Variants in ARHGAP15 observed in about 807,000 individuals in gnomAD.
ARHGAP15 encodes rho GTPase-activating protein 15.
A neutral mutation model predicts 63.7 loss-of-function variants in ARHGAP15; 51 were observed. That is an observed-to-expected ratio of 0.80 (90% CI 0.64 to 1.01). ARHGAP15 has a LOEUF of 1.01. Ranked by LOEUF, ARHGAP15 falls within the 50% of genes least tolerant of loss-of-function variation. The probability of loss-of-function intolerance (pLI) is 0.00; values close to 1 mark genes in which losing one functional copy is unlikely to be tolerated. For missense variants in ARHGAP15, 560 were observed against 564.6 expected (o/e 0.99, Z 0.08); for synonymous variants, 191 against 193.8 (o/e 0.99, Z 0.12).
chr2:143,656,824 C>A (rs1034048335), intron 12 of ARHGAP15, among the ~76,000 whole-genome samples: 1 of 152,140 alleles, frequency 6.6e-6, no homozygotes, highest in Non-Finnish European at 1.5e-5. Context: ...TACTCCTCCT[C>A]TTCAGGACAT....
chr2:143,265,621 CTA>C (rs1680949257), intron 6 of ARHGAP15, among the ~76,000 whole-genome samples: 1 of 152,058 alleles, frequency 6.6e-6, no homozygotes, highest in Non-Finnish European at 1.5e-5. Flanking sequence ...AATTTAAAAA[CTA>C]CACATAGAAA....
chr2:143,646,268 T>C (rs1490762695), intron 12 of ARHGAP15, among the ~76,000 whole-genome samples: 1 of 152,090 alleles, frequency 6.6e-6, no homozygotes, highest in African/African-American at 2.4e-5. Flanking sequence ...GATGGAGTTG[T>C]TTCATATGAA....
rs1425385394 is a variant in ARHGAP15 at position 143,333,031 on chromosome 2, CAGA to C, written c.474+82435_474+82437del. 6.0e-5 allele frequency among the ~76,000 whole-genome samples: 9 copies of C among 149,978 alleles called. No individual in the cohort carries two copies. In the East Asian group the frequency reaches 1.4e-3, roughly 23 times the overall value. ...GGCTGCAGATGCAAGTTGGCATCGTCAGAAGATGAATGCTTGTAGCCTTCACTG... is the reference window on the plus strand; with the variant it reads ...GGCTGCAGATGCAAGTTGGCATCGTCAGATGAATGCTTGTAGCCTTCACTG... On this transcript the variant is annotated intron_variant, in intron 6 of 13. Transcript: ENST00000295095.
Position 143,518,286 on chromosome 2 carries a change from A to C in ARHGAP15, c.827-980A>C, listed in dbSNP as rs181998614. On this transcript the variant is annotated intron_variant, in intron 9 of 13. Transcript: ENST00000295095. Reference sequence around the variant, plus strand: ...AGACATAGATGATTCAGACACTCAGAATCTGCTTTGAGAGAATCTATTCCA... The same window carrying C: ...AGACATAGATGATTCAGACACTCAGCATCTGCTTTGAGAGAATCTATTCCA... 5.9e-5 allele frequency among the ~76,000 whole-genome samples: 9 copies of C among 152,382 alleles called. No individual in the cohort carries two copies. The East Asian group carries it at 1.3e-3, about 23-fold the overall frequency.
chr2:143,291,374 AAC>A (rs1344919858), intron 6 of ARHGAP15, among the ~76,000 whole-genome samples: 4 of 151,968 alleles, frequency 2.6e-5, no homozygotes, highest in African/African-American at 9.7e-5. Context: ...TGTACATGCA[AAC>A]ACAGTTTCTC....
chr2:143,290,577 T>C (rs1323168646), intron 6 of ARHGAP15, among the ~76,000 whole-genome samples: 1 of 152,176 alleles, frequency 6.6e-6, no homozygotes, highest in Non-Finnish European at 1.5e-5. Flanking sequence ...AAAACTTTTT[T>C]TTAACATTAC....
chr2:143,276,804 A>G (rs944950206), intron 6 of ARHGAP15, among the ~76,000 whole-genome samples: 4 of 152,156 alleles, frequency 2.6e-5, no homozygotes, highest in African/African-American at 9.7e-5. Flanking sequence ...GTCTCTTAAA[A>G]AACAAAACAA....
chr2:143,420,378 G>C (rs964951266), intron 6 of ARHGAP15, among the ~76,000 whole-genome samples: 1 of 152,160 alleles, frequency 6.6e-6, no homozygotes, highest in South Asian at 2.1e-4. Flanking sequence ...CAGCACAGAA[G>C]AATTGAGATA....
chr2:143,311,946 A>T (rs1278298959), intron 6 of ARHGAP15, among the ~76,000 whole-genome samples: 1 of 152,104 alleles, frequency 6.6e-6, no homozygotes, highest in Non-Finnish European at 1.5e-5. Flanking sequence ...TTTACGTTGC[A>T]TTGTGGGCCT....
At chr2:143,257,138 G>A (rs942056889) in intron 6 of ARHGAP15, among the ~76,000 whole-genome samples, 3 of 152,022 alleles carry the variant, frequency 2.0e-5, no homozygotes, top group South Asian at 4.1e-4. Flanking sequence ...GGGTGATCCC[G>A]TGAAACTCAC....
intron 2 of ARHGAP15, among the ~76,000 whole-genome samples, chr2:143,178,351 G>A (rs777998496): frequency 2.8e-4 from 42 of 152,196 alleles, no homozygotes; most frequent in Non-Finnish European, 4.1e-4. Context: ...CTCCATTGAA[G>A]GATGAAATTT....
intron 6 of ARHGAP15, among the ~76,000 whole-genome samples, chr2:143,424,461 G>A (rs931426860): frequency 6.6e-6 from 1 of 152,044 alleles, no homozygotes; most frequent in Non-Finnish European, 1.5e-5. Context: ...ACAGGAAAAT[G>A]TTTGGTAACA....
rs149563619 is a variant in ARHGAP15, at chr2:143,624,185, C to G, written c.1056C>G (p.Thr352=). 80 of 1,613,390 alleles carry G rather than the reference C, an allele frequency of 5.0e-5. No individual in the cohort carries two copies. The South Asian group carries it at 8.3e-4, about 17-fold the overall frequency. ...DSQWEDIHVV[T]GALKMFFREL... is the part of the protein sequence containing the mutation. ...AGTGGGAGGACATCCACGTTGTCAC[C>G]GGAGCACTGAAGATGTTTTTCCGGG... Residue 352 remains threonine, a synonymous_variant, in exon 12 of 14, where the codon ACC becomes ACG. Coordinates refer to ENST00000295095, the MANE Select transcript of ARHGAP15 (RefSeq NM_018460.4).
chr2:143,433,098 T>C (rs182941027), intron 6 of ARHGAP15, among the ~76,000 whole-genome samples: 1 of 152,208 alleles, frequency 6.6e-6, no homozygotes, highest in Admixed American at 6.5e-5. Context: ...GATGTCTTTT[T>C]TCCCCAAGAG....
chr2:143,173,199 A>T (rs1690869000), intron 2 of ARHGAP15, among the ~76,000 whole-genome samples: 2 of 152,110 alleles, frequency 1.3e-5, no homozygotes, highest in South Asian at 4.1e-4. Context: ...TATATGACCT[A>T]AAAATATTTT....
chr2:143,715,218 G>A (rs1357067856), intron 13 of ARHGAP15, among the ~76,000 whole-genome samples: 2 of 152,194 alleles, frequency 1.3e-5, no homozygotes, highest in African/African-American at 2.4e-5. Flanking sequence ...AGAAACCCCT[G>A]ATAAACCCAT....
At chr2:143,482,319 C>G (rs1692117994) in intron 8 of ARHGAP15, among the ~76,000 whole-genome samples, 1 of 152,114 alleles carries the variant, frequency 6.6e-6, no homozygotes, top group African/African-American at 2.4e-5. Flanking sequence ...AAGCTTCACC[C>G]TCAAAAAGTA....
intron 1 of ARHGAP15, among the ~76,000 whole-genome samples, chr2:143,146,223 T>G (rs1195995802): frequency 6.6e-6 from 1 of 151,974 alleles, no homozygotes; most frequent in Non-Finnish European, 1.5e-5. Flanking sequence ...AAAAATAGAC[T>G]TGTGGTTATA....
At chr2:143,259,789 G>C (rs1052392822) in intron 6 of ARHGAP15, among the ~76,000 whole-genome samples, 6 of 152,160 alleles carry the variant, frequency 3.9e-5, no homozygotes, top group Non-Finnish European at 8.8e-5. Flanking sequence ...TGTCCTGAAT[G>C]TGAAAGTGTA....
Sources: gnomAD v4.1 joint callset for allele counts (sites outside exome capture counted in the v4.1 genomes callset) on GRCh38, gnomAD v4.1.1 for gene constraint, MANE v1.5 for transcripts, NCBI Gene and HGNC (gene_info 2026-07-23, HGNC 2026-07-21) for gene names.